The following SNX29 variants were observed in gnomAD, a reference collection of about 807,000 sequenced individuals.
SNX29 encodes sorting nexin 29.
In SNX29, 78 loss-of-function variants were observed where a neutral mutation model predicts 102.1. That is an observed-to-expected ratio of 0.76 (90% CI 0.64 to 0.92). The LOEUF is 0.92. Among genes scored for constraint, SNX29 ranks in the 40% least tolerant of loss-of-function variants. SNX29 has a pLI of 0.00. For synonymous variants in SNX29, 580 were observed against 414.5 expected, an observed-to-expected ratio of 1.40 and a Z score of -4.85; for missense variants, 1,280 against 1,061.7, an observed-to-expected ratio of 1.21 and a Z score of -2.86.
At chr16:12,567,380 C>T (rs768106498) in intron 20 of SNX29, among the ~76,000 whole-genome samples, 5 of 152,158 alleles carry the variant, frequency 3.3e-5, no homozygotes, top group Middle Eastern at 3.2e-3. Flanking sequence ...ACATTTTATC[C>T]CAGTGAGGTA....
chr16:12,016,118 G>A (rs570000774), intron 3 of SNX29, among the ~76,000 whole-genome samples: 1 of 152,202 alleles, frequency 6.6e-6, no homozygotes, highest in East Asian at 1.9e-4. Flanking sequence ...GCCCACCTTG[G>A]CCTCCCAAAG....
intron 14 of SNX29, among the ~76,000 whole-genome samples, chr16:12,204,442 A>C (rs756144132): frequency 6.6e-6 from 1 of 151,690 alleles, no homozygotes; most frequent in Admixed American, 6.6e-5. Flanking sequence ...TTTTCCTCCT[A>C]CCTCCCCTCT....
Position 12,568,647 on chromosome 16 carries a change from C to A in SNX29, c.*18C>A. On this transcript the variant is annotated 3_prime_UTR_variant, in exon 21 of 21. Transcript: ENST00000566228. ...ACCTCTGACCTCGACAAAACCGCAG[C>A]CACGGGCCCTGTGCGTGGCACCAGC... 1.2e-6 allele frequency: 2 copies of A among 1,600,254 alleles called. No individual in the cohort carries two copies. Among genetic ancestry groups the A allele is most frequent in the Non-Finnish European group, 1.7e-6 (2 of 1,179,404 alleles).
intron 20 of SNX29, among the ~76,000 whole-genome samples, chr16:12,553,549 G>C (rs2078126693): frequency 6.6e-6 from 1 of 152,164 alleles, no homozygotes; most frequent in African/African-American, 2.4e-5. Flanking sequence ...AGCACTGCAG[G>C]GAGCTAAGCA....
intron 11 of SNX29, among the ~76,000 whole-genome samples, chr16:12,118,691 C>T (rs750797366): frequency 1.2e-4 from 18 of 152,090 alleles, no homozygotes; most frequent in East Asian, 1.9e-4. Flanking sequence ...GAGACACCCT[C>T]GACCCTCACC....
chr16:12,108,764 A>C (rs2053374518), intron 11 of SNX29, among the ~76,000 whole-genome samples: 1 of 152,146 alleles, frequency 6.6e-6, no homozygotes, highest in Admixed American at 6.5e-5. Flanking sequence ...TGCTCCATCC[A>C]TACACACGAA....
At chr16:12,548,903 C>G (rs528279304) in intron 20 of SNX29, among the ~76,000 whole-genome samples, 1 of 152,206 alleles carries the variant, frequency 6.6e-6, no homozygotes. Flanking sequence ...AGCACTCACT[C>G]GGGCTGTAGG....
intron 15 of SNX29, among the ~76,000 whole-genome samples, chr16:12,282,083 C>CTAA (rs2079450147): frequency 1.6e-5 from 1 of 62,050 alleles, no homozygotes; most frequent in African/African-American, 6.3e-5. Flanking sequence ...GACTCCATCT[C>CTAA]AAAAAAAAAA....
At chr16:12,385,203 C>G (rs1229341769) in intron 16 of SNX29, among the ~76,000 whole-genome samples, 1 of 152,068 alleles carries the variant, frequency 6.6e-6, no homozygotes, top group Non-Finnish European at 1.5e-5. Flanking sequence ...TGTGGGGACA[C>G]GGGAGAAGGG....
chr16:12,237,569 G>A (rs1393806669), intron 14 of SNX29, among the ~76,000 whole-genome samples: 1 of 152,068 alleles, frequency 6.6e-6, no homozygotes, highest in Non-Finnish European at 1.5e-5. Context: ...TCAGGAGTTT[G>A]AGACCAGACT....
At chr16:12,250,663 G>A (rs1034333916) in intron 14 of SNX29, among the ~76,000 whole-genome samples, 17 of 152,184 alleles carry the variant, frequency 1.1e-4, no homozygotes, top group Admixed American at 3.9e-4. Context: ...TTGTGCCAGA[G>A]ATGAAAAGCA....
intron 20 of SNX29, among the ~76,000 whole-genome samples, chr16:12,532,736 C>T (rs138284881): frequency 2.0e-5 from 3 of 152,066 alleles, no homozygotes; most frequent in Non-Finnish European, 4.4e-5. Context: ...AGGTGTTGGC[C>T]TTGGATGGAA....
intron 15 of SNX29, among the ~76,000 whole-genome samples, chr16:12,348,319 G>C (rs933538073): frequency 1.3e-5 from 2 of 152,098 alleles, no homozygotes; most frequent in African/African-American, 4.8e-5. Flanking sequence ...TTTTGGAGAA[G>C]GCTTACCCTA....
At chr16:12,271,074 G>A (rs944111827) in intron 14 of SNX29, among the ~76,000 whole-genome samples, 1 of 152,162 alleles carries the variant, frequency 6.6e-6, no homozygotes, top group African/African-American at 2.4e-5. Context: ...GGTCTCTCAA[G>A]AAGTAACTAT....
chr16:12,362,013 C>G (rs572811975), intron 16 of SNX29, among the ~76,000 whole-genome samples: 1 of 152,272 alleles, frequency 6.6e-6, no homozygotes, highest in East Asian at 1.9e-4. Context: ...CATGCCTATA[C>G]ATGTTAATAA....
chr16:12,122,300 C>G (rs1427523526), intron 11 of SNX29, among the ~76,000 whole-genome samples: 1 of 152,150 alleles, frequency 6.6e-6, no homozygotes, highest in Non-Finnish European at 1.5e-5. Context: ...CTGGAAGACT[C>G]TACATGATGG....
chr16:12,138,704 C>G (rs1255088443), intron 13 of SNX29, among the ~76,000 whole-genome samples: 1 of 151,966 alleles, frequency 6.6e-6, no homozygotes, highest in East Asian at 1.9e-4. Context: ...ATTTAGGAAG[C>G]CTGTGTTTAT....
intron 19 of SNX29, among the ~76,000 whole-genome samples, chr16:12,484,152 C>A (rs1173173449): frequency 6.6e-6 from 1 of 152,156 alleles, no homozygotes; most frequent in Non-Finnish European, 1.5e-5. Context: ...CTTTCTCCCT[C>A]TCTCTTTTTT....
intron 20 of SNX29, among the ~76,000 whole-genome samples, chr16:12,550,538 A>G (rs1360009837): frequency 6.6e-6 from 1 of 152,076 alleles, no homozygotes; most frequent in Non-Finnish European, 1.5e-5. Flanking sequence ...CTACAAAAAA[A>G]AAAAAAAAAC....
Sources: gnomAD v4.1 joint callset for allele counts (sites outside exome capture counted in the v4.1 genomes callset) on GRCh38, gnomAD v4.1.1 for gene constraint, MANE v1.5 for transcripts, NCBI Gene and HGNC (gene_info 2026-07-23, HGNC 2026-07-21) for gene names.